ZFP62: variants seen among roughly 807,000 people sequenced by gnomAD.
ZFP62 encodes zinc finger protein 62 homolog.
Under a neutral mutation model 56.4 loss-of-function variants are expected in ZFP62, and 44 were observed. The ratio of observed to expected loss-of-function variants is 0.78; its 90% confidence interval spans 0.61 to 1.00. The LOEUF (loss-of-function observed/expected upper bound fraction) is 1.00. Among genes scored for constraint, ZFP62 ranks in the 50% least tolerant of loss-of-function variants. The pLI is 0.00. For synonymous variants in ZFP62, 421 were observed against 388.9 expected, an observed-to-expected ratio of 1.08 and a Z score of -0.97; for missense variants, 1,030 against 1,085.7, an observed-to-expected ratio of 0.95 and a Z score of 0.72.
rs771801282 is a variant in ZFP62 at position 180,847,685 on chromosome 5, A to T, written c.*1107T>A. 128 of 985,450 alleles carry T rather than the reference A, an allele frequency of 1.3e-4. No individual in the cohort carries two copies. The highest frequency in any genetic ancestry group is 8.0e-4 in the South Asian group (17 of 21,286). 61.0% of individuals were successfully genotyped at this position (985,450 alleles called of 1,614,324 possible). Reference sequence around the variant, plus strand: ...AGGAGCTGGCTTTCATGACAAAGAGAGAGTGAGCCCTGAACAAAGTATTCG... The same window carrying T: ...AGGAGCTGGCTTTCATGACAAAGAGTGAGTGAGCCCTGAACAAAGTATTCG... On this transcript the variant is annotated 3_prime_UTR_variant, in exon 2 of 2. Transcript: ENST00000502412.
In ZFP62 at chr5:180,849,696, G is replaced by C; in HGVS notation, c.1799C>G (p.Thr600Arg). ...KCDECEKAFITYRTLTNHKKV... is the reference protein window; with the variant it reads ...KCDECEKAFIRYRTLTNHKKV... ...TTTGTGGTTTGTAAGGGTTCGGTAT[G>C]TGATGAAGGCCTTCTCACACTCGTC... Residue 600 changes from threonine to arginine, a missense_variant, in exon 2 of 2, where the codon ACA (threonine) becomes AGA (arginine). Physicochemically the swap from Thr to Arg is moderately conservative, Grantham distance 71. Transcript: ENST00000502412. The C allele has an allele frequency of 6.4e-7, 1 of 1,551,760 alleles. No individual in the cohort carries two copies.
chr5:180,849,345 A>AT lies in ZFP62; in HGVS notation c.2149dup (p.Ile717AsnfsTer4). 1 of 1,551,126 alleles carries AT rather than the reference A, an allele frequency of 6.4e-7. No individual in the cohort carries two copies. The highest frequency in any genetic ancestry group is 8.7e-7 in the Non-Finnish European group (1 of 1,146,814). On this transcript the variant is annotated frameshift_variant, in exon 2 of 2. Transcript: ENST00000502412. LOFTEE classifies it high-confidence loss of function. ...CCCAAGATGGACTCTTTTATGGCTT[A>AT]TAAGAGTTCTGCTTGAGAAAAAAGC...
chr5:180,833,353 C>T, the ZFP62 span, among the ~76,000 whole-genome samples: 13 of 151,954 alleles, frequency 8.6e-5, no homozygotes, highest in African/African-American at 3.1e-4. Flanking sequence ...GCAGCGGGTG[C>T]CTGTAGTCCC....
At position 180,850,076 on chromosome 5, in the gene ZFP62, C is replaced by T; in HGVS notation, c.1419G>A (p.Gly473=). 6.4e-7 allele frequency: 1 copy of T among 1,551,702 alleles called. No individual in the cohort carries two copies. Among genetic ancestry groups the T allele is most frequent in the Non-Finnish European group, 8.7e-7 (1 of 1,147,052 alleles). The part of the protein sequence containing the change: ...GLKVHRRLHT[G]EKPYKCDVCG... ...ACACATCACACTTATATGGTTTTTC[C>T]CCAGTATGGAGCCTCCTGTGGACTT... The change falls in exon 2 of 2, where the codon GGG becomes GGA. Residue 473 remains glycine, a synonymous_variant. Transcript: ENST00000502412.
At chr5:180,833,712 C>T in the ZFP62 span, among the ~76,000 whole-genome samples, 23 of 151,190 alleles carry the variant, frequency 1.5e-4, no homozygotes, top group East Asian at 4.1e-3. Flanking sequence ...GCTCTATTGC[C>T]CAGGCTGGAG....
In ZFP62 at chr5:180,853,930, T is replaced by A. The variant is rs146432803; in HGVS notation, c.2-2437A>T. Among the ~76,000 whole-genome samples, 114 of 152,316 alleles carry A rather than the reference T, an allele frequency of 7.5e-4. 1 individual carries two copies. Among genetic ancestry groups the A allele is most frequent in the African/African-American group, 2.0e-3 (82 of 41,558 alleles). ...GGCGAAAATGAACCTTGGGATGAAT[T>A]TGCAGTACTGGTGTGAACTTATGAT... On this transcript the variant is annotated intron_variant, in intron 1 of 1. Transcript: ENST00000502412.
chr5:180,858,279 G>GAAAAAAAAAAAAAAAAAAAAAAA (rs1345418139), intron 1 of ZFP62, among the ~76,000 whole-genome samples: 1 of 108,184 alleles, frequency 9.2e-6, no homozygotes, highest in Non-Finnish European at 1.8e-5. Flanking sequence ...AAAAAAAAAA[G>GAAAAAAAAAAAAAAAAAAAAAAA]AAAAAAAGAA....
chr5:180,830,793 C>T, the ZFP62 span: 1 of 151,060 alleles, frequency 6.6e-6, no homozygotes, highest in South Asian at 2.1e-4. Flanking sequence ...GGAAGAGGGT[C>T]CCGCGTGAAC....
At chr5:180,839,577 A>C in the ZFP62 span, among the ~76,000 whole-genome samples, 2 of 152,162 alleles carry the variant, frequency 1.3e-5, no homozygotes, top group Non-Finnish European at 2.9e-5. Flanking sequence ...ACATGGATAC[A>C]AAGAGGGGAA....
chr5:180,848,093 G>GTTTC lies in ZFP62; in HGVS notation c.*695_*698dup, dbSNP rs952561041. On this transcript the variant is annotated 3_prime_UTR_variant, in exon 2 of 2. Coordinates refer to ENST00000502412, the MANE Select transcript of ZFP62 (RefSeq NM_001172638.2). ...GGAGTTCATCTGAAACTTTAAAAAAGTTTCATCCATTCAACTAATGTATCA... is the reference window on the plus strand; with the variant it reads ...GGAGTTCATCTGAAACTTTAAAAAAGTTTCTTTCATCCATTCAACTAATGTATCA... 1 of 985,044 alleles carries GTTTC rather than the reference G, an allele frequency of 1.0e-6. No individual in the cohort carries two copies. The highest frequency in any genetic ancestry group is 1.8e-5 in the African/African-American group (1 of 57,064). The allele number at this position is 985,044 out of a possible 1,614,324, so 61.0% of individuals were successfully genotyped here. A position where few individuals can be genotyped will look rare whatever the true frequency, so the allele number is the denominator to read the frequency against.
At chr5:180,854,891 A>T (rs1391526261) in intron 1 of ZFP62, among the ~76,000 whole-genome samples, 1 of 152,222 alleles carries the variant, frequency 6.6e-6, no homozygotes, top group Non-Finnish European at 1.5e-5. Flanking sequence ...ACTATATTAC[A>T]TTCCTGACCT....
the ZFP62 span, among the ~76,000 whole-genome samples, chr5:180,833,509 G>A: frequency 8.0e-4 from 121 of 150,922 alleles, no homozygotes; most frequent in African/African-American, 2.7e-3. Flanking sequence ...AGAACAGAGA[G>A]CTAGCTTGCT....
At chr5:180,841,337 A>G in the ZFP62 span, among the ~76,000 whole-genome samples, 6 of 151,662 alleles carry the variant, frequency 4.0e-5, no homozygotes, top group Non-Finnish European at 5.9e-5. Flanking sequence ...ATATATATAT[A>G]TACTTTTTAC....
downstream of ZFP62, among the ~76,000 whole-genome samples, chr5:180,846,837 C>A (rs925583095): frequency 6.6e-6 from 1 of 152,198 alleles, no homozygotes; most frequent in Non-Finnish European, 1.5e-5. Context: ...CCTAGTAGAT[C>A]CTCAAGTATT....
At chr5:180,851,767 T>C (rs1294271383) in intron 1 of ZFP62, among the ~76,000 whole-genome samples, 1 of 152,156 alleles carries the variant, frequency 6.6e-6, no homozygotes, top group Non-Finnish European at 1.5e-5. Context: ...CAGCTTAGCA[T>C]AGGGCAGGGT....
Position 180,849,594 on chromosome 5 carries a change from T to C in ZFP62, c.1901A>G (p.Gln634Arg), listed in dbSNP as rs1773567826. The C allele has an allele frequency of 6.4e-7, 1 of 1,551,962 alleles. No individual in the cohort carries two copies. Among genetic ancestry groups the C allele is most frequent in the Non-Finnish European group, 8.7e-7 (1 of 1,147,092 alleles). Residue 634 changes from glutamine to arginine, a missense_variant, in exon 2 of 2, where the codon CAG becomes CGG. Transcript: ENST00000502412. Reference sequence around the variant, plus strand: ...CTCTCTAGTGTGGACCCTTCTGTGCTGAGAAAGGAGCGATGTGTAATTAAA... The same window carrying C: ...CTCTCTAGTGTGGACCCTTCTGTGCCGAGAAAGGAGCGATGTGTAATTAAA... Reference protein sequence around the residue: ...KSFNYTSLLSQHRRVHTREKP... With the variant: ...KSFNYTSLLSRHRRVHTREKP...
rs1244183543 is a variant in ZFP62 at position 180,850,434 on chromosome 5, T to C, written c.1061A>G (p.Gln354Arg). ...KSFNYSSLLI[Q>R]HKVIHTGEKP... ...CTCTCCAGTGTGGATGACTTTATGC[T>C]GAATGAGAAGAGAGCTATAATTAAA... Residue 354 changes from glutamine (Q) to arginine (R), a missense_variant, in exon 2 of 2, where the codon CAG becomes CGG. Gln to Arg is a conservative substitution (Grantham distance 43). Transcript: ENST00000502412. 1.3e-6 allele frequency: 2 copies of C among 1,555,198 alleles called. No individual in the cohort carries two copies. The highest frequency in any genetic ancestry group is 2.0e-5 in the Admixed American group (1 of 51,170).
the ZFP62 span, among the ~76,000 whole-genome samples, chr5:180,839,262 A>G: frequency 6.6e-6 from 1 of 152,230 alleles, no homozygotes; most frequent in Non-Finnish European, 1.5e-5. Context: ...GTGCCAAGAT[A>G]CTGCCTCAAC....
intron 1 of ZFP62, among the ~76,000 whole-genome samples, chr5:180,859,692 T>C (rs1012747307): frequency 4.6e-5 from 7 of 152,148 alleles, no homozygotes; most frequent in Non-Finnish European, 7.3e-5. Flanking sequence ...CTTGGAGTCA[T>C]TGACACAATT....
Sources: gnomAD v4.1 joint callset for allele counts (sites outside exome capture counted in the v4.1 genomes callset) on GRCh38, gnomAD v4.1.1 for gene constraint, MANE v1.5 for transcripts, NCBI Gene and HGNC (gene_info 2026-07-23, HGNC 2026-07-21) for gene names.